DYSF: variants seen among roughly 807,000 people sequenced by gnomAD.
DYSF encodes the protein dysferlin, also known as dystrophy-associated fer-1-like 1.
Under a neutral mutation model 274.9 loss-of-function variants are expected in DYSF, and 212 were observed. The ratio of observed to expected loss-of-function variants is 0.77; its 90% CI spans 0.69 to 0.86. The LOEUF (loss-of-function observed/expected upper bound fraction) is 0.86, where lower values mean the gene tolerates loss of function less well. Among genes scored for constraint, DYSF ranks in the 40% least tolerant of loss-of-function variants. The pLI, the probability that DYSF is intolerant of heterozygous loss-of-function variation, is 0.00. For missense variants in DYSF, 2,666 were observed against 2,783.2 expected (o/e 0.96, Z 0.95); for synonymous variants, 1,091 against 1,078.7 (o/e 1.01, Z -0.22).
At chr2:71,557,710 C>A (rs567837953) in intron 22 of DYSF, among the ~76,000 whole-genome samples, 2 of 152,156 alleles carry the variant, frequency 1.3e-5, no homozygotes, top group South Asian at 4.1e-4. Flanking sequence ...CAGGCATTGT[C>A]CTAAGAATTT....
chr2:71,561,685 T>C (rs1394787839), intron 22 of DYSF, 67 bp from the exon 23 acceptor site: 1 of 1,593,282 alleles, frequency 6.3e-7, no homozygotes. Flanking sequence ...ACCTGGCACA[T>C]GTGCATGCCT....
intron 1 of DYSF, among the ~76,000 whole-genome samples, chr2:71,480,476 C>A (rs1463064220): frequency 6.6e-6 from 1 of 152,020 alleles, no homozygotes; most frequent in South Asian, 2.1e-4. Context: ...ATAGCTTGAT[C>A]CCAGGAGTTT....
chr2:71,621,819 G>A (rs1355054349), intron 41 of DYSF, among the ~76,000 whole-genome samples: 3 of 151,750 alleles, frequency 2.0e-5, no homozygotes, highest in Non-Finnish European at 4.4e-5. Flanking sequence ...AACACCACAC[G>A]TGGCTAATTT....
chr2:71,622,874 C>T (rs1220963717), intron 41 of DYSF, among the ~76,000 whole-genome samples: 1 of 152,176 alleles, frequency 6.6e-6, no homozygotes, highest in Non-Finnish European at 1.5e-5. Context: ...CTTGGCTTCC[C>T]AAAGTGTTGG....
Position 71,568,264 on chromosome 2 carries a change from G to T in DYSF, c.2790G>T (p.Lys930Asn), listed in dbSNP as rs1446659713. The change falls in exon 26 of 56, where the codon AAG becomes AAT. Residue 930 changes from lysine (K) to asparagine (N), a missense_variant. Lys to Asn is a moderately conservative substitution (Grantham distance 94). Transcript: ENST00000410020. ...TTTCTGACGTCACGGGCAAGATCAA[G>T]CTACCCAAGGACAGCTTCCGCCCCT... Reference protein sequence around the residue: ...PKFSDVTGKIKLPKDSFRPSA... With the variant: ...PKFSDVTGKINLPKDSFRPSA... The T allele has an allele frequency of 6.2e-7, 1 of 1,614,234 alleles. No individual in the cohort carries two copies. The highest frequency in any genetic ancestry group is 2.2e-5 in the East Asian group (1 of 44,870).
chr2:71,482,209 G>C (rs1259375329), intron 3 of DYSF, among the ~76,000 whole-genome samples: 2 of 152,160 alleles, frequency 1.3e-5, no homozygotes, highest in Admixed American at 1.3e-4. Flanking sequence ...GCTGGAATCA[G>C]GTGTCCACGC....
intron 52 of DYSF, among the ~76,000 whole-genome samples, chr2:71,675,761 A>G (rs1216589057): frequency 2.0e-5 from 3 of 152,204 alleles, no homozygotes; most frequent in African/African-American, 4.8e-5. Context: ...TCACCACCCA[A>G]TTTCTACTAA....
chr2:71,502,079 C>CTGTGTGTGTGTG (rs71402986), intron 3 of DYSF, among the ~76,000 whole-genome samples: 17 of 143,804 alleles, frequency 1.2e-4, no homozygotes, highest in African/African-American at 2.1e-4. Context: ...CTCCATGACT[C>CTGTGTGTGTGTG]TGTGTGTGTG....
intron 40 of DYSF, among the ~76,000 whole-genome samples, chr2:71,618,385 GGTGGTGT>G (rs2093980938): frequency 2.8e-4 from 16 of 56,576 alleles, no homozygotes; most frequent in East Asian, 6.0e-4. Flanking sequence ...GTGTGGTAGA[GGTGGTGT>G]GTGTGTGTGT....
chr2:71,607,743 C>T (rs986252695), intron 36 of DYSF, among the ~76,000 whole-genome samples: 1 of 151,880 alleles, frequency 6.6e-6, no homozygotes, highest in African/African-American at 2.4e-5. Context: ...CCAAGGGTGG[C>T]GTGGGAGCTT....
chr2:71,582,956 T>C (rs1363876087), intron 30 of DYSF, among the ~76,000 whole-genome samples: 3 of 147,526 alleles, frequency 2.0e-5, no homozygotes, highest in Non-Finnish European at 3.0e-5. Context: ...GGTGGGAGGA[T>C]TGCTTGAACC....
chr2:71,669,857 C>A, intron 51 of DYSF, 111 bp downstream of exon 51: 2 of 1,461,574 alleles, frequency 1.4e-6, no homozygotes, highest in Non-Finnish European at 1.9e-6. Flanking sequence ...TGCTGCCCCA[C>A]CATGTTGGAG....
chr2:71,569,201 T>C (rs2092291090), intron 26 of DYSF, among the ~76,000 whole-genome samples: 1 of 152,242 alleles, frequency 6.6e-6, no homozygotes, highest in Admixed American at 6.5e-5. Context: ...GCCTTCGTTC[T>C]GTGTGGTGCC....
intron 22 of DYSF, among the ~76,000 whole-genome samples, chr2:71,560,470 G>A (rs1014824812): frequency 2.0e-4 from 19 of 96,072 alleles, no homozygotes; most frequent in Non-Finnish European, 2.2e-5. Flanking sequence ...GGAGCGGCCT[G>A]GGGCAGCCCA....
At chr2:71,613,207 TACCGACTGAGAA>T in intron 39 of DYSF, 115 bp from the exon 40 acceptor site, 1 of 805,416 alleles carries the variant, frequency 1.2e-6, no homozygotes, top group East Asian at 2.7e-5. Flanking sequence ...AAGAGAGAGA[TACCGACTGAGAA>T]ATGTGGAGAG....
At chr2:71,636,444 ATGGAT>A (rs1406188145) in intron 41 of DYSF, among the ~76,000 whole-genome samples, 2 of 152,090 alleles carry the variant, frequency 1.3e-5, no homozygotes, top group Non-Finnish European at 2.9e-5. Flanking sequence ...TGAGTGACTG[ATGGAT>A]TAAGTGCAGG....
At chr2:71,578,585 C>T (rs778917429) in intron 30 of DYSF, among the ~76,000 whole-genome samples, 4 of 152,172 alleles carry the variant, frequency 2.6e-5, no homozygotes, top group Admixed American at 6.5e-5. Flanking sequence ...GTGGCAGTGT[C>T]TAATGAGGGG....
chr2:71,682,539 C>T lies in DYSF; in HGVS notation c.6183C>T (p.Asp2061=), dbSNP rs2152971896. The T allele has an allele frequency of 1.2e-6, 2 of 1,614,138 alleles. No individual in the cohort carries two copies. Among genetic ancestry groups the T allele is most frequent in the Non-Finnish European group, 1.7e-6 (2 of 1,180,026 alleles). Residue 2061 remains aspartate (D), a synonymous_variant, in exon 55 of 56, where the codon GAC becomes GAT. Transcript: ENST00000410020. ...NPKLEDPRRP[D]TSFLWFTSPY... is the part of the protein sequence containing the mutation. ...GGGATCTCGCTTCCAGGCGCCCCGA[C>T]ACCTCCTTCCTGTGGTTTACCTCCC...
chr2:71,553,791 C>G lies in DYSF; in HGVS notation c.1985-16C>G. The G allele has an allele frequency of 6.2e-7, 1 of 1,606,744 alleles. No homozygotes were observed. ...CCACTCCTGGCACAGCGCTCAGGCC[C>G]GTCTCTCCATTCCAGGGTGCCACTA... On this transcript the variant is annotated splice_polypyrimidine_tract_variant and intron_variant, in intron 20 of 55. Transcript: ENST00000410020.
Sources: gnomAD v4.1 joint callset for allele counts (sites outside exome capture counted in the v4.1 genomes callset) on GRCh38, gnomAD v4.1.1 for gene constraint, MANE v1.5 for transcripts, NCBI Gene and HGNC (gene_info 2026-07-23, HGNC 2026-07-21) for gene names.